The following NCKAP5 variants were observed in gnomAD, a reference collection of about 807,000 sequenced individuals.
The protein encoded by NCKAP5 is nck-associated protein 5.
In NCKAP5, 92 loss-of-function variants were observed where a neutral mutation model predicts 167.0. The observed-to-expected ratio is 0.55, with a 90% confidence interval of 0.47 to 0.66. NCKAP5 has a LOEUF of 0.66. Ranked by LOEUF, NCKAP5 falls within the 30% of genes least tolerant of loss-of-function variation. The pLI is 0.00. For missense variants in NCKAP5, 2,378 were observed against 2,315.0 expected, an observed-to-expected ratio of 1.03 and a Z score of -0.56; for synonymous variants, 891 against 877.4, an observed-to-expected ratio of 1.02 and a Z score of -0.27.
chr2:133,021,201 A>C (rs976091902), intron 6 of NCKAP5, among the ~76,000 whole-genome samples: 2 of 152,208 alleles, frequency 1.3e-5, no homozygotes, highest in Non-Finnish European at 2.9e-5. Context: ...GAGGAAAAGC[A>C]GGTTACGGCA....
chr2:133,052,652 A>C (rs1485937244), intron 6 of NCKAP5, among the ~76,000 whole-genome samples: 1 of 151,384 alleles, frequency 6.6e-6, no homozygotes, highest in African/African-American at 2.4e-5. Flanking sequence ...CGGGAGGCAG[A>C]GGTTGCAGTG....
intron 3 of NCKAP5, among the ~76,000 whole-genome samples, chr2:133,415,961 C>T (rs1689083876): frequency 6.6e-6 from 1 of 152,088 alleles, no homozygotes; most frequent in South Asian, 2.1e-4. Flanking sequence ...TCATAAACAA[C>T]TTGTTTGGAT....
intron 8 of NCKAP5, among the ~76,000 whole-genome samples, chr2:132,885,123 G>A (rs1692112981): frequency 6.6e-6 from 1 of 151,772 alleles, no homozygotes. Flanking sequence ...AAATAATCTT[G>A]AACTGATGAT....
chr2:133,027,988 A>C (rs1030987964), intron 6 of NCKAP5, among the ~76,000 whole-genome samples: 2 of 152,174 alleles, frequency 1.3e-5, no homozygotes, highest in Non-Finnish European at 2.9e-5. Flanking sequence ...TTCAAAATCC[A>C]AAACGTTTTG....
At chr2:133,510,984 T>G (rs1468360461) in intron 3 of NCKAP5, among the ~76,000 whole-genome samples, 1 of 152,210 alleles carries the variant, frequency 6.6e-6, no homozygotes, top group Non-Finnish European at 1.5e-5. Flanking sequence ...TAGCCTATAT[T>G]AAGCCTCCAT....
intron 3 of NCKAP5, among the ~76,000 whole-genome samples, chr2:133,410,365 T>C (rs988276761): frequency 6.6e-5 from 10 of 152,224 alleles, no homozygotes; most frequent in African/African-American, 2.4e-4. Context: ...GCGGTTTTCA[T>C]AGCCCCTGCT....
At chr2:132,904,201 T>C (rs1693840978) in intron 8 of NCKAP5, among the ~76,000 whole-genome samples, 1 of 151,884 alleles carries the variant, frequency 6.6e-6, no homozygotes, top group African/African-American at 2.4e-5. Context: ...GGCAAGAGAA[T>C]GGCATGAACA....
At chr2:133,012,762 C>T (rs768916423) in intron 6 of NCKAP5, among the ~76,000 whole-genome samples, 6 of 152,132 alleles carry the variant, frequency 3.9e-5, no homozygotes, top group Non-Finnish European at 8.8e-5. Context: ...TCTCAGTCTT[C>T]TGTTTGCCCT....
intron 19 of NCKAP5, among the ~76,000 whole-genome samples, chr2:132,716,643 G>A (rs542892192): frequency 8.5e-4 from 130 of 152,142 alleles, no homozygotes; most frequent in African/African-American, 3.0e-3. Flanking sequence ...ACAAACTCTG[G>A]GGGGCATCTC....
the NCKAP5 span, among the ~76,000 whole-genome samples, chr2:133,670,932 G>A: frequency 1.3e-5 from 2 of 152,102 alleles, no homozygotes; most frequent in East Asian, 3.9e-4. Context: ...AAACAAAGAT[G>A]AGGCCAGGCG....
chr2:133,444,037 T>A (rs986715238), intron 3 of NCKAP5, among the ~76,000 whole-genome samples: 5 of 152,140 alleles, frequency 3.3e-5, no homozygotes, highest in Admixed American at 1.3e-4. Context: ...TATTGTTTTT[T>A]AAAAAGTCCT....
At chr2:133,504,587 T>C (rs1056537807) in intron 3 of NCKAP5, among the ~76,000 whole-genome samples, 1 of 152,030 alleles carries the variant, frequency 6.6e-6, no homozygotes, top group Non-Finnish European at 1.5e-5. Flanking sequence ...GGCATGCTTA[T>C]GTAGGTGGCC....
In NCKAP5 at chr2:133,124,179, G is replaced by T. The variant is rs2082332887; in HGVS notation, c.341+5799C>A. Among the ~76,000 whole-genome samples, 2 of 152,308 alleles carry T rather than the reference G, an allele frequency of 1.3e-5. 1 individual carries two copies. The highest frequency in any genetic ancestry group is 4.1e-4 in the South Asian group (2 of 4,826). On this transcript the variant is annotated intron_variant, in intron 6 of 19. Coordinates refer to ENST00000409261, the MANE Select transcript of NCKAP5 (RefSeq NM_207363.3). Reference sequence around the variant, plus strand: ...GGGAGAAGGTCAGAACAGGTGCAAAGAAATCCTGAAGGTAGGGAGTGAAAG... The same window carrying T: ...GGGAGAAGGTCAGAACAGGTGCAAATAAATCCTGAAGGTAGGGAGTGAAAG...
chr2:133,302,781 T>TA (rs1241536615), intron 4 of NCKAP5, among the ~76,000 whole-genome samples: 6 of 147,722 alleles, frequency 4.1e-5, no homozygotes, highest in African/African-American at 1.3e-4. Flanking sequence ...TAGAGTATAA[T>TA]AAAAAAATAA....
Position 132,782,622 on chromosome 2 carries a change from G to A in NCKAP5, c.4189C>T (p.Pro1397Ser), listed in dbSNP as rs1683140079. 6.3e-7 allele frequency: 1 copy of A among 1,599,136 alleles called. No individual in the cohort carries two copies. Among genetic ancestry groups the A allele is most frequent in the East Asian group, 2.2e-5 (1 of 44,790 alleles). ...DQQAFTQGECPSANVAVLGEP... is the reference protein window; with the variant it reads ...DQQAFTQGECSSANVAVLGEP... Reference sequence around the variant, plus strand: ...CCAAGTACAGCCACATTGGCACTGGGGCACTCTCCCTGGGTGAAGGCCTGC... The same window carrying A: ...CCAAGTACAGCCACATTGGCACTGGAGCACTCTCCCTGGGTGAAGGCCTGC... Residue 1397 changes from proline to serine, a missense_variant, in exon 14 of 20, where the codon CCC becomes TCC. Pro to Ser is a moderately conservative substitution (Grantham distance 74). Transcript: ENST00000409261.
At chr2:132,738,812 A>C (rs2105556330) in intron 16 of NCKAP5, among the ~76,000 whole-genome samples, 1 of 152,130 alleles carries the variant, frequency 6.6e-6, no homozygotes, top group East Asian at 1.9e-4. Context: ...GAGGGGGGTG[A>C]GTGCCAGACT....
intron 4 of NCKAP5, among the ~76,000 whole-genome samples, chr2:133,268,049 T>C (rs2089326165): frequency 6.6e-6 from 1 of 152,250 alleles, no homozygotes. Flanking sequence ...AAATAATTTG[T>C]TGGATAAACA....
chr2:132,801,910 T>C (rs999388513), intron 11 of NCKAP5, among the ~76,000 whole-genome samples: 1 of 152,164 alleles, frequency 6.6e-6, no homozygotes, highest in Admixed American at 6.5e-5. Context: ...TAGTTAATGA[T>C]GGCAGCAGAG....
At chr2:132,861,058 A>C (rs1689867411) in intron 10 of NCKAP5, among the ~76,000 whole-genome samples, 1 of 152,186 alleles carries the variant, frequency 6.6e-6, no homozygotes, top group South Asian at 2.1e-4. Context: ...ATTTGTGAAA[A>C]CAAGTTGAAA....
Sources: allele counts gnomAD v4.1 joint callset (sites outside exome capture counted in the v4.1 genomes callset), GRCh38; gene constraint gnomAD v4.1.1; transcripts MANE v1.5; gene names NCBI Gene and HGNC (gene_info 2026-07-23, HGNC 2026-07-21).